SRGAP3: variants seen among roughly 807,000 people sequenced by gnomAD.
The protein encoded by SRGAP3 is SLIT-ROBO Rho GTPase-activating protein 3.
In SRGAP3, 39 loss-of-function variants were observed where a neutral mutation model predicts 121.1. That is an observed-to-expected ratio of 0.32 (90% CI 0.25 to 0.42). The LOEUF (loss-of-function observed/expected upper bound fraction) is 0.42. Ranked by LOEUF, SRGAP3 falls within the 10% of genes least tolerant of loss-of-function variation. SRGAP3 has a pLI of 1.00. For synonymous variants in SRGAP3, 601 were observed against 570.0 expected (o/e 1.05, Z -0.77); for missense variants, 1,213 against 1,470.6 (o/e 0.82, Z 2.86).
chr3:9,361,831 G>A (rs2728923), intron 1 of SRGAP3, among the ~76,000 whole-genome samples: 1 of 152,036 alleles, frequency 6.6e-6, no homozygotes, highest in Non-Finnish European at 1.5e-5. Context: ...CTGGCCAGTC[G>A]ACAGAGGACG....
intron 1 of SRGAP3, among the ~76,000 whole-genome samples, chr3:9,214,031 G>A (rs1952532823): frequency 6.6e-6 from 1 of 151,648 alleles, no homozygotes; most frequent in South Asian, 2.1e-4. Context: ...TCTTTGTAAT[G>A]GTTACCATTA....
chr3:9,355,422 G>A (rs1041477338), intron 1 of SRGAP3, among the ~76,000 whole-genome samples: 11 of 152,138 alleles, frequency 7.2e-5, no homozygotes, highest in African/African-American at 2.4e-4. Context: ...TGACTTCTAC[G>A]ATGTATCCAT....
chr3:9,048,755 T>C (rs980413846), intron 9 of SRGAP3, among the ~76,000 whole-genome samples: 1 of 151,988 alleles, frequency 6.6e-6, no homozygotes, highest in Non-Finnish European at 1.5e-5. Context: ...GCCCAGGAGG[T>C]TGAGGCTGTA....
At chr3:9,183,767 AACACACACAC>A (rs62971361) in intron 1 of SRGAP3, among the ~76,000 whole-genome samples, 2,373 of 148,250 alleles carry the variant, frequency 0.016, 72 homozygotes, top group African/African-American at 0.054. Flanking sequence ...CAAATTTGCT[AACACACACAC>A]ACACACACAC....
At chr3:9,246,937 T>G (rs1171777884) in intron 1 of SRGAP3, among the ~76,000 whole-genome samples, 1 of 152,038 alleles carries the variant, frequency 6.6e-6, no homozygotes, top group Non-Finnish European at 1.5e-5. Flanking sequence ...GCTTAGTTGT[T>G]AAAATAAAAG....
intron 1 of SRGAP3, among the ~76,000 whole-genome samples, chr3:9,356,547 G>A (rs549955315): frequency 4.0e-5 from 6 of 151,566 alleles, no homozygotes; most frequent in East Asian, 3.9e-4. Context: ...TAATTTTTTT[G>A]TATTTTTAGT....
At chr3:9,009,682 C>A (rs1943260779) in intron 18 of SRGAP3, among the ~76,000 whole-genome samples, 1 of 152,076 alleles carries the variant, frequency 6.6e-6, no homozygotes. Context: ...ACTCTCTTCT[C>A]CTTGTCTGGA....
At chr3:9,166,240 G>A (rs1471065474) in intron 1 of SRGAP3, among the ~76,000 whole-genome samples, 1 of 152,170 alleles carries the variant, frequency 6.6e-6, no homozygotes, top group African/African-American at 2.4e-5. Flanking sequence ...CTCCAGGAAG[G>A]CAGGCATCAT....
intron 1 of SRGAP3, among the ~76,000 whole-genome samples, chr3:9,241,552 C>A (rs755106588): frequency 6.6e-6 from 1 of 152,186 alleles, no homozygotes; most frequent in Non-Finnish European, 1.5e-5. Flanking sequence ...GCAAGGAAAT[C>A]GAGCAAACCA....
chr3:9,004,987 T>A (rs893566047), intron 18 of SRGAP3, among the ~76,000 whole-genome samples: 3 of 152,146 alleles, frequency 2.0e-5, no homozygotes, highest in Non-Finnish European at 4.4e-5. Context: ...AGCCACAGAA[T>A]GGGAGAAAAT....
intron 1 of SRGAP3, among the ~76,000 whole-genome samples, chr3:9,346,753 CTTTTTTTTT>C (rs142138773): frequency 1.5e-5 from 2 of 130,536 alleles, no homozygotes; most frequent in African/African-American, 5.6e-5. Context: ...GCAATTTTTT[CTTTTTTTTT>C]TTTTTTTTTG....
intron 1 of SRGAP3, 129 bp downstream of exon 1, chr3:9,248,756 A>G: frequency 2.0e-6 from 2 of 993,014 alleles, no homozygotes; most frequent in Non-Finnish European, 3.1e-6. Flanking sequence ...TACTCCTCAC[A>G]AAAAGATTAT....
chr3:9,126,284 G>A (rs1234277194), intron 1 of SRGAP3, among the ~76,000 whole-genome samples: 1 of 152,182 alleles, frequency 6.6e-6, no homozygotes, highest in African/African-American at 2.4e-5. Flanking sequence ...CTATGATGCA[G>A]TGTCCCAAAA....
At chr3:9,159,820 C>G (rs1439508112) in intron 1 of SRGAP3, among the ~76,000 whole-genome samples, 7 of 152,090 alleles carry the variant, frequency 4.6e-5, no homozygotes, top group African/African-American at 1.7e-4. Context: ...CAGAAGAGGC[C>G]AATACTGTCA....
intron 1 of SRGAP3, among the ~76,000 whole-genome samples, chr3:9,212,208 G>A (rs546958425): frequency 1.3e-5 from 2 of 152,304 alleles, no homozygotes; most frequent in South Asian, 4.2e-4. Flanking sequence ...CCAAGTAGAG[G>A]ATGAAGGAGT....
chr3:8,984,690 C>A lies in SRGAP3; in HGVS notation c.*829G>T, dbSNP rs1478686064. 2 of 232,496 alleles carry A rather than the reference C, an allele frequency of 8.6e-6. No homozygotes were observed. The highest frequency in any genetic ancestry group is 1.7e-5 in the Non-Finnish European group (2 of 117,444). 14.4% of individuals were successfully genotyped at this position (232,496 alleles called of 1,614,324 possible). A position where few individuals can be genotyped will look rare whatever the true frequency, so the allele number is the denominator to read the frequency against. ...CCCATGCCTTTGGGAGTACAGTTGG[C>A]CTTTGGCCTCCGGGTGGAAGGGCAG... On this transcript the variant is annotated 3_prime_UTR_variant, in exon 22 of 22. Coordinates refer to ENST00000383836, the MANE Select transcript of SRGAP3 (RefSeq NM_014850.4).
rs917718327 is a variant in SRGAP3 at position 8,983,278 on chromosome 3, C to T, written c.*2241G>A. 1.8e-5 allele frequency: 4 copies of T among 227,168 alleles called. No individual in the cohort carries two copies. Among genetic ancestry groups the T allele is most frequent in the Non-Finnish European group, 3.5e-5 (4 of 114,450 alleles). The allele number at this position is 227,168 out of a possible 1,614,324, so 14.1% of individuals were successfully genotyped here. A position where few individuals can be genotyped will look rare whatever the true frequency, so the allele number is the denominator to read the frequency against. On this transcript the variant is annotated 3_prime_UTR_variant, in exon 22 of 22. Coordinates refer to ENST00000383836, the MANE Select transcript of SRGAP3 (RefSeq NM_014850.4). ...AAAATGGCAATATCTTTCTGTGCTC[C>T]AAGCAGATGGCCTTTCATATCCAGG...
At position 9,049,356 on chromosome 3, in the gene SRGAP3, C is replaced by T. The variant is rs139277448; in HGVS notation, c.1324-1881G>A. On this transcript the variant is annotated intron_variant, in intron 9 of 21. Transcript: ENST00000383836. The stretch of plus-strand genomic sequence containing the variant: ...GGCTCCCAGGACCTGGCCTATTGGC[C>T]ATTAAGAGTCACTCGACTTGTATCC... 4.1e-4 allele frequency: 185 copies of T among 455,820 alleles called. 3 individuals are homozygous for T. In the Middle Eastern group the frequency reaches 0.012, roughly 30 times the overall value. 28.2% of individuals were successfully genotyped at this position (455,820 alleles called of 1,614,324 possible).
At chr3:9,253,914 T>G (rs1311428821), upstream of SRGAP3, among the ~76,000 whole-genome samples, 2 of 152,198 alleles carry the variant, frequency 1.3e-5, no homozygotes, top group Non-Finnish European at 2.9e-5. Flanking sequence ...GCAGAGGTTT[T>G]GATGGTACAG....
Sources: gnomAD v4.1 joint callset for allele counts (sites outside exome capture counted in the v4.1 genomes callset) on GRCh38, gnomAD v4.1.1 for gene constraint, MANE v1.5 for transcripts, NCBI Gene and HGNC (gene_info 2026-07-23, HGNC 2026-07-21) for gene names.